The following MCMDC2 variants were observed in gnomAD, a reference collection of about 807,000 sequenced individuals.
The protein encoded by MCMDC2 is minichromosome maintenance domain-containing protein 2.
Under a neutral mutation model 75.8 loss-of-function variants are expected in MCMDC2, and 54 were observed. The observed-to-expected ratio is 0.71, with a 90% CI of 0.57 to 0.89. The LOEUF (loss-of-function observed/expected upper bound fraction) is 0.89, where lower values mean the gene tolerates loss of function less well. Ranked by LOEUF, MCMDC2 falls within the 40% of genes least tolerant of loss-of-function variation. The pLI, the probability that MCMDC2 is intolerant of heterozygous loss-of-function variation, is 0.00. For synonymous variants in MCMDC2, 249 were observed against 274.6 expected, an observed-to-expected ratio of 0.91 and a Z score of 0.92; for missense variants, 656 against 780.4, an observed-to-expected ratio of 0.84 and a Z score of 1.90.
intron 14 of MCMDC2, among the ~76,000 whole-genome samples, chr8:66,910,655 C>G (rs1813073467): frequency 6.6e-6 from 1 of 152,016 alleles, no homozygotes; most frequent in Admixed American, 6.6e-5. Context: ...ACTAAAAATA[C>G]AAAATTAGCC....
At chr8:66,891,512 T>G (rs1812107576) in intron 10 of MCMDC2, among the ~76,000 whole-genome samples, 1 of 152,214 alleles carries the variant, frequency 6.6e-6, no homozygotes, top group Non-Finnish European at 1.5e-5. Context: ...CCGAGAGGGT[T>G]TTTTTTAATC....
rs760897815 is a variant in MCMDC2, at chr8:66,878,623, G to A, written c.531G>A (p.Thr177=). The part of the protein sequence containing the change: ...VHVPGATESA[T]IRNDFLCNLC... ...TGCCTGGTGCTACAGAATCTGCAAC[G>A]ATAAGAAATGACTTTTTGTGTAATC... The change falls in exon 6 of 15, where the codon ACG becomes ACA. Residue 177 remains threonine, a synonymous_variant. Coordinates refer to ENST00000422365, the MANE Select transcript of MCMDC2 (RefSeq NM_173518.5). The A allele has an allele frequency of 1.8e-5, 29 of 1,569,798 alleles. No homozygotes were observed. Among genetic ancestry groups the A allele is most frequent in the Non-Finnish European group, 2.2e-5 (26 of 1,165,190 alleles).
chr8:66,875,579 A>G (rs1023087284), intron 4 of MCMDC2, among the ~76,000 whole-genome samples: 4 of 152,142 alleles, frequency 2.6e-5, no homozygotes, highest in Non-Finnish European at 5.9e-5. Flanking sequence ...GTGCCCGGCC[A>G]TGGACATTTT....
At position 66,874,401 on chromosome 8, in the gene MCMDC2, A is replaced by G. The variant is rs759460660; in HGVS notation, c.170A>G (p.Glu57Gly). The G allele has an allele frequency of 2.5e-6, 4 of 1,613,808 alleles. No homozygotes were observed. In the South Asian group the frequency reaches 4.4e-5, roughly 18 times the overall value. Residue 57 changes from glutamate to glycine, a missense_variant, in exon 3 of 15, where the codon GAG becomes GGG. Physicochemically the swap from Glu to Gly is moderately conservative, Grantham distance 98. Coordinates refer to ENST00000422365, the MANE Select transcript of MCMDC2 (RefSeq NM_173518.5). ...TCTGATGTTGTTGAATTAGATGCTG[A>G]GCTTGGAAATCACATTTTACACCAA... is the stretch of plus-strand genomic sequence containing the variant. ...NPSDVVELDA[E>G]LGNHILHQPL... is the part of the protein sequence containing the mutation.
chr8:66,917,067 A>G (rs1229825419), intron 14 of MCMDC2, among the ~76,000 whole-genome samples: 1 of 152,200 alleles, frequency 6.6e-6, no homozygotes, highest in Non-Finnish European at 1.5e-5. Context: ...AAAGGGAAGC[A>G]TGGGAAAGAA....
At chr8:66,915,475 TTATATATA>T (rs1186787979) in intron 14 of MCMDC2, among the ~76,000 whole-genome samples, 1 of 145,144 alleles carries the variant, frequency 6.9e-6, no homozygotes, top group Non-Finnish European at 1.5e-5. Context: ...TTTTATATAT[TTATATATA>T]TATTTATATA....
At chr8:66,890,577 A>C (rs1812058276) in intron 9 of MCMDC2, among the ~76,000 whole-genome samples, 1 of 151,926 alleles carries the variant, frequency 6.6e-6, no homozygotes, top group Admixed American at 6.6e-5. Context: ...CCCGGGCTGG[A>C]GTGCACAATC....
rs755782997 is a variant in MCMDC2, at chr8:66,883,768, A to G, written c.847A>G (p.Ile283Val). 49 of 1,598,692 alleles carry G rather than the reference A, an allele frequency of 3.1e-5. No individual in the cohort carries two copies. Among genetic ancestry groups the G allele is most frequent in the Non-Finnish European group, 4.1e-5 (48 of 1,168,840 alleles). ...TFCNSKVPSG[I>V]SDNFRCLLSL... ...ATATTTACTTTCAGTTCCTTCAGGAATTAGTGACAACTTCAGGTGTCTCCT... is the reference window on the plus strand; with the variant it reads ...ATATTTACTTTCAGTTCCTTCAGGAGTTAGTGACAACTTCAGGTGTCTCCT... The change falls in exon 9 of 15, where the codon ATT becomes GTT. Residue 283 changes from isoleucine to valine, a missense_variant. Coordinates refer to ENST00000422365, the MANE Select transcript of MCMDC2 (RefSeq NM_173518.5).
chr8:66,913,868 G>A (rs948191780), intron 14 of MCMDC2, among the ~76,000 whole-genome samples: 1 of 151,464 alleles, frequency 6.6e-6, no homozygotes, highest in African/African-American at 2.4e-5. Context: ...GGAGGCTGAG[G>A]CAGGAGAATT....
chr8:66,917,044 G>T (rs150544501), intron 14 of MCMDC2, among the ~76,000 whole-genome samples: 8 of 152,262 alleles, frequency 5.3e-5, no homozygotes, highest in Admixed American at 2.0e-4. Flanking sequence ...AAAGGAGAAA[G>T]AATTTTTTAC....
At chr8:66,900,424 G>A (rs1367910882) in intron 12 of MCMDC2, among the ~76,000 whole-genome samples, 1 of 151,908 alleles carries the variant, frequency 6.6e-6, no homozygotes, top group Non-Finnish European at 1.5e-5. Flanking sequence ...GGCAACAAGA[G>A]CGAAACTCCT....
At chr8:66,871,047 G>A (rs1563671028) in intron 1 of MCMDC2, among the ~76,000 whole-genome samples, 1 of 152,212 alleles carries the variant, frequency 6.6e-6, no homozygotes. Context: ...CTCGGCGTTC[G>A]TTAGACTAAG....
intron 9 of MCMDC2, among the ~76,000 whole-genome samples, chr8:66,886,892 G>A (rs1811871464): frequency 6.6e-6 from 1 of 152,124 alleles, no homozygotes; most frequent in South Asian, 2.1e-4. Flanking sequence ...AACATTTGGT[G>A]TTGTGAGCCC....
At chr8:66,918,889 G>C (rs753261394) in intron 14 of MCMDC2, 114 bp from the exon 15 acceptor site, 1 of 924,006 alleles carries the variant, frequency 1.1e-6, no homozygotes, top group African/African-American at 1.7e-5. Flanking sequence ...GAACCACATG[G>C]GCTCAGACTT....
chr8:66,897,253 C>T (rs1021785577), intron 12 of MCMDC2, among the ~76,000 whole-genome samples: 3 of 151,572 alleles, frequency 2.0e-5, no homozygotes, highest in African/African-American at 7.3e-5. Context: ...CCAAAAAATA[C>T]AAAAATTAGC....
At chr8:66,879,009 A>G (rs896942095) in intron 7 of MCMDC2, 90 bp downstream of exon 7, 1 of 771,838 alleles carries the variant, frequency 1.3e-6, no homozygotes. Context: ...TAATCCCAAC[A>G]CTTTTGGAGG....
intron 7 of MCMDC2, 44 bp downstream of exon 7, chr8:66,878,963 T>G (rs767224699): frequency 8.3e-7 from 1 of 1,211,970 alleles, no homozygotes; most frequent in South Asian, 1.3e-5. Context: ...GCTATAAATA[T>G]GTAATTGGCT....
rs1813549988 is a variant in MCMDC2, at chr8:66,921,886, G to C, written c.*2717G>C. The C allele has an allele frequency of 6.6e-6, 1 of 152,208 alleles. No individual in the cohort carries two copies. The highest frequency in any genetic ancestry group is 1.5e-5 in the Non-Finnish European group (1 of 68,062). 9.4% of individuals were successfully genotyped at this position (152,208 alleles called of 1,614,324 possible). On this transcript the variant is annotated 3_prime_UTR_variant, in exon 15 of 15. Coordinates refer to ENST00000422365, the MANE Select transcript of MCMDC2 (RefSeq NM_173518.5). ...GACAAGATTATAATCTTTCGAATAT[G>C]TTCAAAACAGGTCTGACTAGTGACT...
intron 12 of MCMDC2, 25 bp downstream of exon 12, chr8:66,896,984 C>T: frequency 5.1e-6 from 8 of 1,567,966 alleles, no homozygotes; most frequent in Non-Finnish European, 6.9e-6. Flanking sequence ...AACGGTTACC[C>T]AGAATGCCTG....
Sources: allele counts gnomAD v4.1 joint callset (sites outside exome capture counted in the v4.1 genomes callset), GRCh38; gene constraint gnomAD v4.1.1; transcripts MANE v1.5; gene names NCBI Gene and HGNC (gene_info 2026-07-23, HGNC 2026-07-21).